The following TTI1 variants were observed in gnomAD, a reference collection of about 807,000 sequenced individuals.
TTI1 encodes TELO2 interacting protein 1.
TTI1 carries 52 observed loss-of-function variants against 85.4 expected under a neutral mutation model. The observed-to-expected ratio is 0.61, with a 90% confidence interval of 0.49 to 0.77. The LOEUF is 0.77. Ranked by LOEUF, TTI1 falls within the 30% of genes least tolerant of loss-of-function variation. The pLI is 0.00. For synonymous variants in TTI1, 512 were observed against 503.9 expected, an observed-to-expected ratio of 1.02 and a Z score of -0.22; for missense variants, 1,173 against 1,296.0, an observed-to-expected ratio of 0.91 and a Z score of 1.46.
chr20:37,987,667 T>C (rs2073210483), intron 7 of TTI1, among the ~76,000 whole-genome samples: 2 of 152,346 alleles, frequency 1.3e-5, no homozygotes, highest in East Asian at 1.9e-4. Context: ...GCTTAAATGA[T>C]AACTTGACTT....
intron 7 of TTI1, among the ~76,000 whole-genome samples, chr20:37,994,239 T>C (rs1447794472): frequency 6.6e-6 from 1 of 152,136 alleles, no homozygotes; most frequent in African/African-American, 2.4e-5. Context: ...GTTCAAGTGA[T>C]GCTCCTGCCT....
chr20:38,012,959 C>T lies in TTI1; in HGVS notation c.858G>A (p.Lys286=), dbSNP rs142838032. The T allele has an allele frequency of 1.1e-3, 1,796 of 1,614,152 alleles. 5 individuals carry two copies. The highest frequency in any genetic ancestry group is 1.7e-3 in the South Asian group (153 of 91,090). The change falls in exon 2 of 8, where the codon AAG becomes AAA. Residue 286 remains lysine, a synonymous_variant. Coordinates refer to ENST00000373447, the MANE Select transcript of TTI1 (RefSeq NM_001303457.2). The stretch of plus-strand genomic sequence containing the variant: ...TTATCTTTTTAATAAGGATAGTCAA[C>T]TTGTCGCCAGTCTTTTTTACCCAAT... The part of the protein sequence containing the change: ...EADWVKKTGD[K]LTILIKKIIE...
chr20:38,013,495 T>C lies in TTI1; in HGVS notation c.322A>G (p.Ser108Gly). The change falls in exon 2 of 8, where the codon AGC becomes GGC. Residue 108 changes from serine to glycine, a missense_variant. Ser to Gly is a moderately conservative substitution (Grantham distance 56, BLOSUM62 0). Coordinates refer to ENST00000373447, the MANE Select transcript of TTI1 (RefSeq NM_001303457.2). ...GACACAGCCGCAGGTTTTTGGGAGC[T>C]GGGTGAATACAGACAAGCAGAGAGT... ...SELSACLYSP[S>G]SQKPAAVSEE... 6.2e-7 allele frequency: 1 copy of C among 1,614,064 alleles called. No homozygotes were observed. Among genetic ancestry groups the C allele is most frequent in the Non-Finnish European group, 8.5e-7 (1 of 1,180,042 alleles).
chr20:38,028,803 A>G (rs993994602), intron 1 of TTI1, among the ~76,000 whole-genome samples: 1 of 152,096 alleles, frequency 6.6e-6, no homozygotes, highest in Non-Finnish European at 1.5e-5. Flanking sequence ...CAATTTCCTG[A>G]GCTCAAGCAA....
At chr20:38,015,170 G>C (rs1435718471) in intron 1 of TTI1, among the ~76,000 whole-genome samples, 1 of 152,214 alleles carries the variant, frequency 6.6e-6, no homozygotes, top group Non-Finnish European at 1.5e-5. Context: ...GCGTGAGCAA[G>C]GCCTGCTCAG....
chr20:38,020,326 ATAT>A (rs1568629101), intron 1 of TTI1, among the ~76,000 whole-genome samples: 193 of 77,542 alleles, frequency 2.5e-3, no homozygotes, highest in African/African-American at 8.9e-3. Context: ...AAAAAAAAAT[ATAT>A]ATATATATAT....
chr20:37,992,676 A>G (rs562123755), intron 7 of TTI1, among the ~76,000 whole-genome samples: 1 of 152,358 alleles, frequency 6.6e-6, no homozygotes, highest in East Asian at 1.9e-4. Flanking sequence ...CTCACTGCAA[A>G]AGCCAGGGAG....
intron 7 of TTI1, among the ~76,000 whole-genome samples, chr20:37,989,500 C>T (rs763110286): frequency 6.6e-6 from 1 of 152,198 alleles, no homozygotes; most frequent in Non-Finnish European, 1.5e-5. Flanking sequence ...AAGCCAGAAT[C>T]TAGGAGGGTT....
chr20:38,018,701 T>G (rs1160682427), intron 1 of TTI1, among the ~76,000 whole-genome samples: 1 of 149,806 alleles, frequency 6.7e-6, no homozygotes, highest in African/African-American at 2.4e-5. Context: ...GCAATAAAAA[T>G]GACAGCTGAC....
chr20:37,985,559 ACTCTGTT>A (rs2073179845), intron 7 of TTI1, among the ~76,000 whole-genome samples: 1 of 148,532 alleles, frequency 6.7e-6, no homozygotes, highest in Non-Finnish European at 1.5e-5. Flanking sequence ...ACAGAGTCTC[ACTCTGTT>A]GCCCAGGCTG....
intron 5 of TTI1, among the ~76,000 whole-genome samples, chr20:37,997,497 C>A (rs766652132): frequency 5.3e-5 from 8 of 151,740 alleles, no homozygotes; most frequent in Non-Finnish European, 1.0e-4. Context: ...TTCAGCTGCA[C>A]AATCTCTTAT....
rs2295350 is a variant in TTI1 at position 38,006,273 on chromosome 20, G to C, written c.2427C>G (p.Ile809Met). 10 of 1,614,124 alleles carry C rather than the reference G, an allele frequency of 6.2e-6. No individual in the cohort carries two copies. Among genetic ancestry groups the C allele is most frequent in the Non-Finnish European group, 8.5e-6 (10 of 1,180,018 alleles). ...LEKSTTTAEDIEQFLLNYLKE... is the reference protein window; with the variant it reads ...LEKSTTTAEDMEQFLLNYLKE... ...TGAGGTAGTTCAGCAAAAACTGTTC[G>C]ATGTCTTCAGCTGTGGTGGTGCTCT... Residue 809 changes from isoleucine (I) to methionine (M), a missense_variant, in exon 3 of 8, where the codon ATC (isoleucine) becomes ATG (methionine). By Grantham distance (10) the Ile-to-Met change is conservative (BLOSUM62 1). Coordinates refer to ENST00000373447, the MANE Select transcript of TTI1 (RefSeq NM_001303457.2).
chr20:38,010,590 C>G (rs1365264323), intron 2 of TTI1, among the ~76,000 whole-genome samples: 1 of 151,450 alleles, frequency 6.6e-6, no homozygotes, highest in Non-Finnish European at 1.5e-5. Context: ...CCTGCCTCAG[C>G]TTCCCAAGTA....
At chr20:38,023,290 C>T (rs1164287689) in intron 1 of TTI1, among the ~76,000 whole-genome samples, 1 of 152,192 alleles carries the variant, frequency 6.6e-6, no homozygotes, top group Non-Finnish European at 1.5e-5. Context: ...ACCAGAGGTT[C>T]CCAACCTGGC....
At chr20:38,000,638 G>A (rs1235306570) in intron 4 of TTI1, 1 of 152,722 alleles carries the variant, frequency 6.5e-6, no homozygotes, top group African/African-American at 2.4e-5. Flanking sequence ...GAACAGAAGA[G>A]ACCCTGCCAT....
At chr20:38,018,833 C>T (rs989862988) in intron 1 of TTI1, among the ~76,000 whole-genome samples, 1 of 150,822 alleles carries the variant, frequency 6.6e-6, no homozygotes, top group African/African-American at 2.4e-5. Flanking sequence ...AATTTTACAG[C>T]CTATAAAAAC....
Position 38,013,782 on chromosome 20 carries a change from C to T in TTI1, c.35G>A (p.Gly12Asp). Residue 12 changes from glycine to aspartate, a missense_variant, in exon 2 of 8, where the codon GGT (glycine) becomes GAT (aspartate). By Grantham distance (94) the Gly-to-Asp change is moderately conservative. Coordinates refer to ENST00000373447, the MANE Select transcript of TTI1 (RefSeq NM_001303457.2). ...CTGAACACAGACTGGACGTAAGACA[C>T]CAAAGGCCTCCTCAGGAGTATCAAA... The part of the protein sequence containing the change: ...AVFDTPEEAF[G>D]VLRPVCVQLT... 6.2e-7 allele frequency: 1 copy of T among 1,613,874 alleles called. No homozygotes were observed. Among genetic ancestry groups the T allele is most frequent in the Non-Finnish European group, 8.5e-7 (1 of 1,180,012 alleles).
In TTI1 at chr20:37,995,236, G is replaced by T. The variant is rs149625058; in HGVS notation, c.3086+1139C>A. Reference sequence around the variant, plus strand: ...GGACTAAGGGATGTGACGGGAAAGGGACAGGAAGAAAAAAGGAAATGGGAA... The same window carrying T: ...GGACTAAGGGATGTGACGGGAAAGGTACAGGAAGAAAAAAGGAAATGGGAA... On this transcript the variant is annotated intron_variant, in intron 7 of 7. Coordinates refer to ENST00000373447, the MANE Select transcript of TTI1 (RefSeq NM_001303457.2). Among the ~76,000 whole-genome samples the T allele has an allele frequency of 8.0e-3, 1,216 of 152,272 alleles. 6 individuals carry two copies. Among genetic ancestry groups the T allele is most frequent in the African/African-American group, 0.023 (951 of 41,562 alleles).
chr20:38,028,190 T>C (rs948893132), intron 1 of TTI1, among the ~76,000 whole-genome samples: 1 of 152,206 alleles, frequency 6.6e-6, no homozygotes, highest in African/African-American at 2.4e-5. Flanking sequence ...TATAATTGTA[T>C]TAAGCATAAA....
Sources: allele counts gnomAD v4.1 joint callset (sites outside exome capture counted in the v4.1 genomes callset), GRCh38; gene constraint gnomAD v4.1.1; transcripts MANE v1.5; gene names NCBI Gene and HGNC (gene_info 2026-07-23, HGNC 2026-07-21).